The following KCND3 variants were observed in gnomAD, a reference collection of about 807,000 sequenced individuals.
KCND3 encodes potassium voltage-gated channel subfamily D member 3, also known as A-type voltage-gated potassium channel KCND3.
A neutral mutation model predicts 51.1 loss-of-function variants in KCND3; 9 were observed. The ratio of observed to expected loss-of-function variants is 0.18; its 90% confidence interval spans 0.11 to 0.31. KCND3 has a LOEUF of 0.31. KCND3 is among the 10% of genes least tolerant of loss of function. The pLI, the probability that KCND3 is intolerant of heterozygous loss-of-function variation, is 1.00. For synonymous variants in KCND3, 349 were observed against 368.0 expected (o/e 0.95, Z 0.59); for missense variants, 526 against 903.8 (o/e 0.58, Z 5.36).
chr1:111,963,121 A>G (rs1441657801), intron 2 of KCND3, among the ~76,000 whole-genome samples: 4 of 152,248 alleles, frequency 2.6e-5, no homozygotes, highest in African/African-American at 9.6e-5. Flanking sequence ...GACCAGGGAT[A>G]TCAGCTAAGC....
chr1:111,888,634 A>G (rs1173620517), intron 2 of KCND3, among the ~76,000 whole-genome samples: 1 of 149,332 alleles, frequency 6.7e-6, no homozygotes, highest in East Asian at 2.0e-4. Context: ...GTGAGCCAAG[A>G]TCACACCACT....
At chr1:111,842,093 A>G (rs765939327) in intron 2 of KCND3, among the ~76,000 whole-genome samples, 5 of 152,172 alleles carry the variant, frequency 3.3e-5, no homozygotes, top group Non-Finnish European at 7.3e-5. Flanking sequence ...GGGAGGCAAT[A>G]TGGGCATCAC....
intron 2 of KCND3, among the ~76,000 whole-genome samples, chr1:111,911,791 A>C (rs1670959370): frequency 6.6e-6 from 1 of 152,224 alleles, no homozygotes; most frequent in Non-Finnish European, 1.5e-5. Flanking sequence ...TACAAAATAT[A>C]TGAAACAAAT....
chr1:111,827,785 G>C (rs554394923), intron 2 of KCND3, among the ~76,000 whole-genome samples: 58 of 152,298 alleles, frequency 3.8e-4, no homozygotes, highest in South Asian at 1.7e-3. Flanking sequence ...ATGTTGATAT[G>C]ATGGAGCTCT....
At chr1:111,808,873 A>T (rs1174213915) in intron 2 of KCND3, among the ~76,000 whole-genome samples, 1 of 152,264 alleles carries the variant, frequency 6.6e-6, no homozygotes, top group Non-Finnish European at 1.5e-5. Flanking sequence ...CTTGCCAAAG[A>T]GGCCTCTTGT....
chr1:111,813,376 T>C (rs999909024), intron 2 of KCND3, among the ~76,000 whole-genome samples: 4 of 152,226 alleles, frequency 2.6e-5, no homozygotes, highest in Admixed American at 2.6e-4. Context: ...AAAAGAGTCA[T>C]GGCAACGAGG....
intron 2 of KCND3, among the ~76,000 whole-genome samples, chr1:111,952,800 G>C (rs11102360): frequency 2.0e-5 from 3 of 152,230 alleles, no homozygotes; most frequent in Non-Finnish European, 4.4e-5. Context: ...ACTCCCATTA[G>C]GCTTGAAAAG....
intron 2 of KCND3, among the ~76,000 whole-genome samples, chr1:111,833,776 G>A (rs1438379012): frequency 2.0e-5 from 3 of 152,322 alleles, no homozygotes; most frequent in African/African-American, 7.2e-5. Flanking sequence ...GAAATAGTGT[G>A]TAGATAGATA....
chr1:111,788,592 G>A (rs1189095664), intron 2 of KCND3, among the ~76,000 whole-genome samples: 1 of 152,194 alleles, frequency 6.6e-6, no homozygotes, highest in Non-Finnish European at 1.5e-5. Context: ...CAGTGTTCAT[G>A]CCCTTTGCCC....
rs2101997545 is a variant in KCND3, at chr1:111,982,205, C to T, written c.522G>A (p.Glu174=). Residue 174 remains glutamate, a synonymous_variant, in exon 2 of 8, where the codon GAG becomes GAA. Coordinates refer to ENST00000302127, the MANE Select transcript of KCND3 (RefSeq NM_001378969.1). The surrounding 1 kb of genome is among the most constrained non-coding windows in gnomAD (Gnocchi z 8.5). ...SFRQTMWRAF[E]NPHTSTLALV... ...GGGCCAGCGTGCTGGTGTGGGGGTT[C>T]TCGAAGGCCCGCCACATGGTCTGGC... 6.2e-7 allele frequency: 1 copy of T among 1,614,060 alleles called. No homozygotes were observed. Among genetic ancestry groups the T allele is most frequent in the Non-Finnish European group, 8.5e-7 (1 of 1,180,012 alleles).
chr1:111,792,838 A>T (rs920112295), intron 2 of KCND3, among the ~76,000 whole-genome samples: 1 of 151,102 alleles, frequency 6.6e-6, no homozygotes, highest in Non-Finnish European at 1.5e-5. Flanking sequence ...CTTCTGCAAA[A>T]GTCTCTTAAC....
At chr1:111,849,251 C>T (rs567536880) in intron 2 of KCND3, among the ~76,000 whole-genome samples, 23 of 152,358 alleles carry the variant, frequency 1.5e-4, no homozygotes, top group Non-Finnish European at 2.9e-4. Context: ...CTCTTAATTT[C>T]CCCTTTTCCT....
At chr1:111,871,102 G>T (rs1045141531) in intron 2 of KCND3, among the ~76,000 whole-genome samples, 8 of 152,210 alleles carry the variant, frequency 5.3e-5, no homozygotes, top group African/African-American at 1.9e-4. Context: ...ATATCAGAGG[G>T]TTGTGGTGAA....
chr1:111,839,903 G>A (rs1176282416), intron 2 of KCND3, among the ~76,000 whole-genome samples: 2 of 152,194 alleles, frequency 1.3e-5, no homozygotes, highest in African/African-American at 2.4e-5. Context: ...TTTAAAAAAT[G>A]GTTTATTCTG....
chr1:111,965,078 CCAAA>C (rs1033628792), intron 2 of KCND3, among the ~76,000 whole-genome samples: 44 of 151,256 alleles, frequency 2.9e-4, no homozygotes, highest in African/African-American at 9.7e-4. Context: ...CAAACTGCCC[CCAAA>C]CACTCATTTT....
intron 2 of KCND3, among the ~76,000 whole-genome samples, chr1:111,850,911 C>T (rs145521144): frequency 1.5e-3 from 236 of 152,336 alleles, no homozygotes; most frequent in African/African-American, 5.0e-3. Flanking sequence ...GGGGTTTACT[C>T]TCTGTAACAG....
Position 111,840,829 on chromosome 1 carries a change from C to T in KCND3, c.1107-53723G>A, listed in dbSNP as rs79940894. ...CAGGCTATCAGTCATGCTCGGATGA[C>T]GTGGCTGCTCCTCTAGCTTCCCATC... On this transcript the variant is annotated intron_variant, in intron 2 of 7. Coordinates refer to ENST00000302127, the MANE Select transcript of KCND3 (RefSeq NM_001378969.1). Among the ~76,000 whole-genome samples the T allele has an allele frequency of 1.6e-4, 24 of 152,266 alleles. No individual in the cohort carries two copies. The East Asian group carries it at 3.9e-3, about 25-fold the overall frequency.
chr1:111,780,716 G>A lies in KCND3; in HGVS notation c.1345C>T (p.Leu449Phe), dbSNP rs1257851120. 2 of 1,612,156 alleles carry A rather than the reference G, an allele frequency of 1.2e-6. No individual in the cohort carries two copies. Among genetic ancestry groups the A allele is most frequent in the Admixed American group, 3.3e-5 (2 of 59,854 alleles). ...GTCAGCTCCAGCGCCTCGTTGAGGA[G>A]CCCGTTGCGCTTGCTGTGCAGGTAT... ...NAYLHSKRNGLLNEALELTGT... is the reference protein window; with the variant it reads ...NAYLHSKRNGFLNEALELTGT... Residue 449 changes from leucine (L) to phenylalanine (F), a missense_variant, in exon 4 of 8, where the codon CTC becomes TTC. Physicochemically the swap from Leu to Phe is conservative, Grantham distance 22. This residue lies in a region of KCND3 where 266 missense variants were observed against 305.5 expected (regional missense o/e 0.87). Transcript: ENST00000302127. The surrounding 1 kb of genome is among the most constrained non-coding windows in gnomAD (Gnocchi z 4.2).
At chr1:111,788,285 G>A (rs1429296974) in intron 2 of KCND3, among the ~76,000 whole-genome samples, 1 of 152,224 alleles carries the variant, frequency 6.6e-6, no homozygotes, top group Non-Finnish European at 1.5e-5. Flanking sequence ...CATCTCCCCT[G>A]CCTCTGTGCC....
Sources: allele counts gnomAD v4.1 joint callset (sites outside exome capture counted in the v4.1 genomes callset), GRCh38; gene constraint gnomAD v4.1.1; regional missense constraint gnomAD v4.1.1; non-coding constraint Gnocchi (gnomAD v3.1); transcripts MANE v1.5; gene names NCBI Gene and HGNC (gene_info 2026-07-23, HGNC 2026-07-21).